ADAM2: variants seen among roughly 807,000 people sequenced by gnomAD.
The protein encoded by ADAM2 is disintegrin and metalloproteinase domain-containing protein 2.
A neutral mutation model predicts 99.3 loss-of-function variants in ADAM2; 101 were observed. That is an observed-to-expected ratio of 1.02 (90% CI 0.87 to 1.20). ADAM2 has a LOEUF of 1.20. Among genes scored for constraint, ADAM2 ranks in the 50% most tolerant of loss-of-function variants. The pLI is 0.00. For synonymous variants in ADAM2, 323 were observed against 287.6 expected (o/e 1.12, Z -1.25); for missense variants, 948 against 878.7 (o/e 1.08, Z -1.00).
At chr8:39,787,301 CTA>C (rs1803505571) in intron 9 of ADAM2, among the ~76,000 whole-genome samples, 3 of 150,930 alleles carry the variant, frequency 2.0e-5, no homozygotes, top group Admixed American at 6.6e-5. Context: ...TTTAAAAAAA[CTA>C]AAACAGAAAA....
chr8:39,775,695 A>T (rs1802959595), intron 11 of ADAM2, among the ~76,000 whole-genome samples: 1 of 152,136 alleles, frequency 6.6e-6, no homozygotes, highest in South Asian at 2.1e-4. Flanking sequence ...ATGGTGACTG[A>T]GAAATATTGG....
In ADAM2 at chr8:39,837,223, T is replaced by C. The variant is rs759089307; in HGVS notation, c.56-11A>G. The C allele has an allele frequency of 6.3e-7, 1 of 1,588,214 alleles. No individual in the cohort carries two copies. Reference sequence around the variant, plus strand: ...GTAAACTATCAAAATCTGCAAAATGTGCAAAATGTTTTATTAGAACAATGC... The same window carrying C: ...GTAAACTATCAAAATCTGCAAAATGCGCAAAATGTTTTATTAGAACAATGC... On this transcript the variant is annotated splice_polypyrimidine_tract_variant and intron_variant, in intron 1 of 20. Coordinates refer to ENST00000265708, the MANE Select transcript of ADAM2 (RefSeq NM_001464.5).
intron 4 of ADAM2, among the ~76,000 whole-genome samples, chr8:39,824,213 G>A (rs1224074531): frequency 6.6e-6 from 1 of 151,238 alleles, no homozygotes; most frequent in African/African-American, 2.4e-5. Flanking sequence ...AACCCAGGAG[G>A]CGGAGGTTGC....
chr8:39,778,441 C>T (rs1414265845), intron 10 of ADAM2, among the ~76,000 whole-genome samples: 2 of 152,046 alleles, frequency 1.3e-5, no homozygotes, highest in Non-Finnish European at 2.9e-5. Context: ...AGGATGCTTA[C>T]GTCTCTTTGA....
At chr8:39,811,729 G>A (rs12541102) in intron 6 of ADAM2, among the ~76,000 whole-genome samples, 15,552 of 152,016 alleles carry the variant, frequency 0.1, 1,078 homozygotes, top group East Asian at 0.21. Flanking sequence ...ATTCAACAGC[G>A]CTTCAGGCTA....
At chr8:39,824,383 T>A (rs545385006) in intron 4 of ADAM2, among the ~76,000 whole-genome samples, 139 of 152,128 alleles carry the variant, frequency 9.1e-4, no homozygotes, top group African/African-American at 3.2e-3. Context: ...TAAATTAAGC[T>A]CTACATGTTC....
At chr8:39,771,520 G>T (rs1802778133) in intron 11 of ADAM2, among the ~76,000 whole-genome samples, 1 of 152,000 alleles carries the variant, frequency 6.6e-6, no homozygotes, top group Non-Finnish European at 1.5e-5. Flanking sequence ...TTATAATCAC[G>T]ATGGCCTATA....
chr8:39,794,422 G>A lies in ADAM2; in HGVS notation c.571-5682C>T, dbSNP rs187769360. ...ATGAAAAGTTAGCTATAGCATGCTG[G>A]TTTATTTAAAATAAGGGAGGAGACC... On this transcript the variant is annotated intron_variant, in intron 7 of 20. Coordinates refer to ENST00000265708, the MANE Select transcript of ADAM2 (RefSeq NM_001464.5). 9.9e-4 allele frequency among the ~76,000 whole-genome samples: 151 copies of A among 152,180 alleles called. 1 individual carries two copies. The highest frequency in any genetic ancestry group is 3.5e-3 in the African/African-American group (147 of 41,530).
chr8:39,832,762 T>C (rs1184080680), intron 3 of ADAM2, among the ~76,000 whole-genome samples: 1 of 152,144 alleles, frequency 6.6e-6, no homozygotes, highest in East Asian at 1.9e-4. Flanking sequence ...TCAAAAGATT[T>C]TTTTATTTTA....
chr8:39,813,844 C>G (rs948837190), intron 6 of ADAM2, among the ~76,000 whole-genome samples: 3 of 151,982 alleles, frequency 2.0e-5, no homozygotes, highest in Non-Finnish European at 4.4e-5. Context: ...GTGCAGCACA[C>G]CAACATGGCA....
intron 11 of ADAM2, 95 bp downstream of exon 11, chr8:39,776,930 C>T (rs1307696651): frequency 1.5e-5 from 12 of 775,886 alleles, no homozygotes; most frequent in African/African-American, 1.2e-4. Context: ...CACAGCTGAT[C>T]GCCATTATTA....
intron 3 of ADAM2, among the ~76,000 whole-genome samples, chr8:39,828,489 C>T (rs570382685): frequency 2.6e-5 from 4 of 151,402 alleles, no homozygotes; most frequent in East Asian, 1.9e-4. Context: ...TAGATTCAAT[C>T]GGATAGAGGC....
chr8:39,760,144 G>C (rs1802293394), intron 15 of ADAM2, among the ~76,000 whole-genome samples: 1 of 152,068 alleles, frequency 6.6e-6, no homozygotes, highest in South Asian at 2.1e-4. Flanking sequence ...TGGGATTACA[G>C]GTATGAGCTA....
intron 14 of ADAM2, 141 bp downstream of exon 14, chr8:39,766,707 C>T (rs1184177352): frequency 9.8e-6 from 7 of 714,428 alleles, no homozygotes; most frequent in South Asian, 4.7e-5. Flanking sequence ...CGCGCCTGGC[C>T]GTATTCTTCT....
intron 7 of ADAM2, among the ~76,000 whole-genome samples, chr8:39,797,683 T>C (rs1804028771): frequency 1.3e-5 from 2 of 152,254 alleles, no homozygotes; most frequent in South Asian, 4.1e-4. Flanking sequence ...TCAATGAGGA[T>C]GGAATGTTTT....
intron 7 of ADAM2, among the ~76,000 whole-genome samples, chr8:39,804,123 C>T (rs2129586597): frequency 6.6e-6 from 1 of 152,300 alleles, no homozygotes; most frequent in East Asian, 1.9e-4. Context: ...TTTCTTTTAT[C>T]AGCGAAATAT....
chr8:39,802,724 G>T (rs1462778677), intron 7 of ADAM2, among the ~76,000 whole-genome samples: 4 of 152,014 alleles, frequency 2.6e-5, no homozygotes, highest in African/African-American at 9.7e-5. Context: ...AAGGCACCTG[G>T]TGCTATAACC....
intron 16 of ADAM2, among the ~76,000 whole-genome samples, 198 bp downstream of exon 16, chr8:39,755,530 C>T (rs113160528): frequency 2.0e-5 from 3 of 152,130 alleles, no homozygotes; most frequent in African/African-American, 7.2e-5. Context: ...CAAAAATTAG[C>T]CGGGTGTGGT....
intron 7 of ADAM2, among the ~76,000 whole-genome samples, chr8:39,805,196 A>T (rs1228023153): frequency 6.6e-6 from 1 of 151,894 alleles, no homozygotes; most frequent in African/African-American, 2.4e-5. Context: ...TGACCTAATC[A>T]CCTCTCAAAT....
Sources: allele counts gnomAD v4.1 joint callset (sites outside exome capture counted in the v4.1 genomes callset), GRCh38; gene constraint gnomAD v4.1.1; transcripts MANE v1.5; gene names NCBI Gene and HGNC (gene_info 2026-07-23, HGNC 2026-07-21).